Variants in MACROD2 observed in about 807,000 individuals in gnomAD.
The protein encoded by MACROD2 is ADP-ribose glycohydrolase MACROD2.
MACROD2 carries 36 observed loss-of-function variants against 70.4 expected under a neutral mutation model. The ratio of observed to expected loss-of-function variants is 0.51; its 90% CI spans 0.39 to 0.68. The LOEUF (loss-of-function observed/expected upper bound fraction) is 0.68, where lower values mean the gene tolerates loss of function less well. Ranked by LOEUF, MACROD2 falls within the 30% of genes least tolerant of loss-of-function variation. The pLI is 0.00. For synonymous variants in MACROD2, 172 were observed against 178.8 expected, an observed-to-expected ratio of 0.96 and a Z score of 0.30; for missense variants, 496 against 538.4, an observed-to-expected ratio of 0.92 and a Z score of 0.78.
intron 6 of MACROD2, among the ~76,000 whole-genome samples, chr20:15,239,500 T>C (rs772382610): frequency 7.9e-5 from 12 of 152,180 alleles, no homozygotes; most frequent in Non-Finnish European, 1.6e-4. Context: ...ATATTTGCTT[T>C]CCTGGATGTC....
intron 3 of MACROD2, among the ~76,000 whole-genome samples, chr20:14,181,068 ATTT>A (rs59164079): frequency 1.5e-5 from 2 of 136,632 alleles, no homozygotes; most frequent in Admixed American, 7.4e-5. Flanking sequence ...CTGTCATTAC[ATTT>A]TTTTTTTTTT....
At chr20:15,411,638 A>G (rs1200252484) in intron 6 of MACROD2, among the ~76,000 whole-genome samples, 1 of 152,222 alleles carries the variant, frequency 6.6e-6, no homozygotes, top group Non-Finnish European at 1.5e-5. Context: ...TTGTCCCCAA[A>G]TTATTTAGCT....
At chr20:14,105,745 T>C (rs1238013537) in intron 3 of MACROD2, among the ~76,000 whole-genome samples, 1 of 152,154 alleles carries the variant, frequency 6.6e-6, no homozygotes, top group Admixed American at 6.5e-5. Flanking sequence ...TGACTCCTTC[T>C]TTCTACTTGA....
chr20:14,208,820 A>G (rs2081546931), intron 3 of MACROD2, among the ~76,000 whole-genome samples: 1 of 152,228 alleles, frequency 6.6e-6, no homozygotes, highest in Admixed American at 6.5e-5. Context: ...TTGAATTATG[A>G]CAGTAGACTG....
chr20:14,819,469 C>T (rs1452465044), intron 5 of MACROD2, among the ~76,000 whole-genome samples: 3 of 151,794 alleles, frequency 2.0e-5, no homozygotes, highest in Non-Finnish European at 4.4e-5. Flanking sequence ...TCCACTATGG[C>T]CCAGCCACTT....
chr20:14,228,716 C>T (rs985344599), intron 3 of MACROD2, among the ~76,000 whole-genome samples: 1 of 151,984 alleles, frequency 6.6e-6, no homozygotes, highest in Non-Finnish European at 1.5e-5. Flanking sequence ...GAAAAAAAGA[C>T]ATTAATTTCG....
intron 8 of MACROD2, among the ~76,000 whole-genome samples, chr20:15,600,621 T>C (rs944960681): frequency 2.0e-5 from 3 of 152,178 alleles, no homozygotes; most frequent in Admixed American, 2.0e-4. Context: ...ATAAATGTCT[T>C]ACAGAAAAAC....
At chr20:14,008,201 A>G (rs1003879243) in intron 2 of MACROD2, among the ~76,000 whole-genome samples, 1 of 152,196 alleles carries the variant, frequency 6.6e-6, no homozygotes, top group African/African-American at 2.4e-5. Context: ...TGTAGATGAC[A>G]TGATCCTACA....
intron 4 of MACROD2, among the ~76,000 whole-genome samples, chr20:14,642,054 G>A (rs1203785136): frequency 7.9e-5 from 12 of 152,322 alleles, no homozygotes; most frequent in South Asian, 4.1e-4. Flanking sequence ...GTTAGTTAGC[G>A]TAGACACTTT....
At chr20:14,696,490 C>T (rs1265518821) in intron 5 of MACROD2, among the ~76,000 whole-genome samples, 1 of 152,094 alleles carries the variant, frequency 6.6e-6, no homozygotes, top group Non-Finnish European at 1.5e-5. Context: ...AATGTGTTTG[C>T]TGTATAAGCT....
At chr20:15,022,394 A>G (rs1357284732) in intron 5 of MACROD2, among the ~76,000 whole-genome samples, 5 of 152,126 alleles carry the variant, frequency 3.3e-5, no homozygotes, top group Non-Finnish European at 7.4e-5. Context: ...TCCCAGTAAT[A>G]TTATTTGATG....
intron 5 of MACROD2, chr20:14,894,791 T>C (rs772831595): frequency 1.3e-5 from 2 of 152,198 alleles, no homozygotes; most frequent in Non-Finnish European, 2.9e-5. Flanking sequence ...AGATCTTGTG[T>C]GTGTGTGATG....
chr20:15,726,590 C>T (rs915105694), intron 8 of MACROD2, among the ~76,000 whole-genome samples: 9 of 152,078 alleles, frequency 5.9e-5, no homozygotes, highest in Non-Finnish European at 1.0e-4. Context: ...TTGCCAGCAT[C>T]TGTTATTTTT....
chr20:14,056,912 T>C (rs2053636634), intron 2 of MACROD2, among the ~76,000 whole-genome samples: 1 of 152,106 alleles, frequency 6.6e-6, no homozygotes, highest in Non-Finnish European at 1.5e-5. Flanking sequence ...GTTTGTCATT[T>C]TTCTCATTGT....
At chr20:15,800,863 G>A (rs2063718159) in intron 8 of MACROD2, among the ~76,000 whole-genome samples, 1 of 151,892 alleles carries the variant, frequency 6.6e-6, no homozygotes, top group East Asian at 1.9e-4. Flanking sequence ...CTTCTGCCTT[G>A]GGAACCTGTT....
intron 6 of MACROD2, among the ~76,000 whole-genome samples, chr20:15,378,306 G>A (rs12480779): frequency 4.3e-4 from 61 of 140,260 alleles, no homozygotes; most frequent in Middle Eastern, 3.9e-3. Context: ...AAAAAGGAAA[G>A]AAAGAAGGAA....
intron 8 of MACROD2, among the ~76,000 whole-genome samples, chr20:15,819,520 T>G (rs1470452203): frequency 6.8e-6 from 1 of 147,640 alleles, no homozygotes; most frequent in Non-Finnish European, 1.5e-5. Context: ...TCGATATATT[T>G]ATATGTCAAT....
At chr20:15,950,953 G>T (rs751151445) in intron 12 of MACROD2, among the ~76,000 whole-genome samples, 1 of 151,860 alleles carries the variant, frequency 6.6e-6, no homozygotes, top group Non-Finnish European at 1.5e-5. Flanking sequence ...CTTTTTTGTT[G>T]GTAGAACTTT....
At chr20:14,378,760 C>G (rs1233161302) in intron 3 of MACROD2, among the ~76,000 whole-genome samples, 5 of 152,188 alleles carry the variant, frequency 3.3e-5, no homozygotes, top group Non-Finnish European at 7.3e-5. Context: ...TACTATCTCT[C>G]CTATGCTTCA....
Sources: allele counts gnomAD v4.1 joint callset (sites outside exome capture counted in the v4.1 genomes callset), GRCh38; gene constraint gnomAD v4.1.1; transcripts MANE v1.5; gene names NCBI Gene and HGNC (gene_info 2026-07-23, HGNC 2026-07-21).